The following ABCA12 variants were observed in gnomAD, a reference collection of about 807,000 sequenced individuals.
ABCA12 encodes the protein ATP binding cassette subfamily A member 12, also known as glucosylceramide transporter ABCA12.
In ABCA12, 156 loss-of-function variants were observed where a neutral mutation model predicts 293.5. That is an observed-to-expected ratio of 0.53 (90% CI 0.47 to 0.61). ABCA12 has a LOEUF of 0.61. Among genes scored for constraint, ABCA12 ranks in the 20% least tolerant of loss-of-function variants. The pLI is 0.00. For synonymous variants in ABCA12, 1,063 were observed against 1,108.0 expected, an observed-to-expected ratio of 0.96 and a Z score of 0.81; for missense variants, 2,797 against 3,090.2, an observed-to-expected ratio of 0.91 and a Z score of 2.25.
intron 1 of ABCA12, 122 bp from the exon 2 acceptor site, chr2:215,111,812 G>A: frequency 1.4e-6 from 1 of 711,760 alleles, no homozygotes; most frequent in Admixed American, 2.7e-5. Context: ...TTGACCAACT[G>A]TAGATATTAT....
At chr2:215,074,972 T>C (rs1701807181) in intron 2 of ABCA12, among the ~76,000 whole-genome samples, 1 of 151,770 alleles carries the variant, frequency 6.6e-6, no homozygotes, top group African/African-American at 2.4e-5. Flanking sequence ...AATAAATAAA[T>C]AAATAAATGT....
chr2:214,962,252 A>G (rs1699134492), intron 39 of ABCA12: 2 of 152,332 alleles, frequency 1.3e-5, no homozygotes, highest in South Asian at 4.1e-4. Flanking sequence ...GTGAAACTCA[A>G]CTGAAGTAGG....
rs1385303170 is a variant in ABCA12, at chr2:215,049,790, A to C, written c.529T>G (p.Ser177Ala). The C allele has an allele frequency of 6.2e-7, 1 of 1,613,162 alleles. No homozygotes were observed. Among genetic ancestry groups the C allele is most frequent in the South Asian group, 1.1e-5 (1 of 91,042 alleles). ...LEKLLKQNST[S>A]EDIRRELCDS... Reference sequence around the variant, plus strand: ...CATAGTTCTCTTCGTATATCTTCTGAAGTTGAATTTTGCTTTAACAGCTAA... The same window carrying C: ...CATAGTTCTCTTCGTATATCTTCTGCAGTTGAATTTTGCTTTAACAGCTAA... Residue 177 changes from serine (S) to alanine (A), a missense_variant, in exon 6 of 53, where the codon TCA (serine) becomes GCA (alanine). Physicochemically the swap from Ser to Ala is moderately conservative, Grantham distance 99. Coordinates refer to ENST00000272895, the MANE Select transcript of ABCA12 (RefSeq NM_173076.3).
intron 1 of ABCA12, among the ~76,000 whole-genome samples, chr2:215,131,925 G>A (rs995812398): frequency 7.9e-5 from 12 of 151,414 alleles, no homozygotes; most frequent in African/African-American, 2.9e-4. Context: ...TAGGAGCTTT[G>A]GTATGCTGTG....
chr2:215,025,837 A>G (rs984094513), intron 10 of ABCA12, 58 bp from the exon 11 acceptor site: 2 of 1,214,568 alleles, frequency 1.6e-6, no homozygotes, highest in African/African-American at 3.0e-5. Context: ...TTAGGAAACC[A>G]GTTTGAAAGA....
At chr2:215,065,737 C>T (rs543488312) in intron 2 of ABCA12, among the ~76,000 whole-genome samples, 3 of 152,048 alleles carry the variant, frequency 2.0e-5, no homozygotes, top group Non-Finnish European at 4.4e-5. Context: ...TTTTAGCTCG[C>T]TGAGACCAAA....
chr2:215,034,394 A>G (rs183944868), intron 8 of ABCA12, among the ~76,000 whole-genome samples: 5 of 152,308 alleles, frequency 3.3e-5, no homozygotes, highest in Admixed American at 6.5e-5. Context: ...GTGTGAGGAA[A>G]GTGGGTAGAA....
intron 7 of ABCA12, among the ~76,000 whole-genome samples, chr2:215,037,722 T>TG (rs1701021446): frequency 1.3e-5 from 2 of 152,300 alleles, no homozygotes; most frequent in Admixed American, 6.5e-5. Context: ...CAGTTATGCT[T>TG]GAGTTCATCC....
At chr2:215,013,935 C>T (rs567675036) in intron 15 of ABCA12, among the ~76,000 whole-genome samples, 1 of 152,196 alleles carries the variant, frequency 6.6e-6, no homozygotes, top group Non-Finnish European at 1.5e-5. Flanking sequence ...AATCCCAGCA[C>T]TTTGGGAGGC....
At chr2:215,128,378 TC>T (rs950683607) in intron 1 of ABCA12, among the ~76,000 whole-genome samples, 3 of 152,216 alleles carry the variant, frequency 2.0e-5, no homozygotes, top group Admixed American at 6.5e-5. Context: ...CCTCAATTAT[TC>T]CCCTAAATGT....
intron 46 of ABCA12, 69 bp from the exon 47 acceptor site, chr2:214,948,806 G>T: frequency 3.1e-6 from 5 of 1,596,174 alleles, no homozygotes; most frequent in East Asian, 2.2e-5. Context: ...CCAAATGCTG[G>T]GAAGGTAGCT....
At chr2:215,097,564 A>C (rs1467647164) in intron 2 of ABCA12, among the ~76,000 whole-genome samples, 1 of 152,184 alleles carries the variant, frequency 6.6e-6, no homozygotes, top group Admixed American at 6.5e-5. Flanking sequence ...TCTATGTAAC[A>C]AAAGCAGGGA....
intron 42 of ABCA12, 139 bp from the exon 43 acceptor site, chr2:214,955,500 G>C: frequency 1.3e-6 from 1 of 768,304 alleles, no homozygotes; most frequent in South Asian, 1.7e-5. Context: ...TGAGCAACTT[G>C]GCAAAACCCT....
chr2:215,005,212 C>G (rs570659246), intron 19 of ABCA12, among the ~76,000 whole-genome samples: 1 of 152,148 alleles, frequency 6.6e-6, no homozygotes, highest in East Asian at 1.9e-4. Flanking sequence ...GTAAATTCTC[C>G]TAAGGACACA....
At position 215,025,716 on chromosome 2, in the gene ABCA12, T is replaced by G; in HGVS notation, c.1244A>C (p.Tyr415Ser). 6.2e-7 allele frequency: 1 copy of G among 1,613,118 alleles called. No individual in the cohort carries two copies. The highest frequency in any genetic ancestry group is 8.5e-7 in the Non-Finnish European group (1 of 1,179,588). ...AGGAACTGGAGGAAAGTAATCTTCA[T>G]AGGAACCATTGCGAAGAAAAGATTT... ...FKKSFLRNGS[Y>S]EDYFPPVPEV... The change falls in exon 11 of 53, where the codon TAT becomes TCT. Residue 415 changes from tyrosine to serine, a missense_variant. Tyr to Ser is a moderately radical substitution (Grantham distance 144). Around this residue, in one of 3 missense-constraint regions of ABCA12, gnomAD observed 656 missense variants for 638.2 expected, o/e 1.03. Transcript: ENST00000272895.
At chr2:215,128,173 A>C (rs1412741704) in intron 1 of ABCA12, among the ~76,000 whole-genome samples, 1 of 152,120 alleles carries the variant, frequency 6.6e-6, no homozygotes, top group Non-Finnish European at 1.5e-5. Context: ...TCTGCTGTTG[A>C]TCTGGTAAGT....
At chr2:214,964,413 A>G (rs954175879) in intron 39 of ABCA12, among the ~76,000 whole-genome samples, 8 of 152,300 alleles carry the variant, frequency 5.3e-5, no homozygotes, top group African/African-American at 1.9e-4. Context: ...AAGGTATTCA[A>G]ATAGGAAGAG....
chr2:215,123,919 C>A (rs1702863877), intron 1 of ABCA12, among the ~76,000 whole-genome samples: 1 of 152,128 alleles, frequency 6.6e-6, no homozygotes, highest in Admixed American at 6.5e-5. Flanking sequence ...TCCCTCGCCC[C>A]CCTCTCACTC....
At chr2:214,983,460 T>C (rs539103129) in intron 29 of ABCA12, among the ~76,000 whole-genome samples, 187 bp downstream of exon 29, 4 of 152,274 alleles carry the variant, frequency 2.6e-5, no homozygotes, top group Non-Finnish European at 5.9e-5. Flanking sequence ...ACAATTTCAG[T>C]GTAATAACTG....
Sources: gnomAD v4.1 joint callset for allele counts (sites outside exome capture counted in the v4.1 genomes callset) on GRCh38, gnomAD v4.1.1 for gene constraint, gnomAD v4.1.1 regional missense constraint, MANE v1.5 for transcripts, NCBI Gene and HGNC (gene_info 2026-07-23, HGNC 2026-07-21) for gene names.